The following RIMKLB variants were observed in gnomAD, a reference collection of about 807,000 sequenced individuals.
The protein encoded by RIMKLB is ribosomal modification protein rimK like family member B, also known as beta-citrylglutamate synthase B.
Under a neutral mutation model 32.0 loss-of-function variants are expected in RIMKLB, and 7 were observed. That is an observed-to-expected ratio of 0.22 (90% confidence interval 0.12 to 0.41). RIMKLB has a LOEUF of 0.41. Ranked by LOEUF, RIMKLB falls within the 10% of genes least tolerant of loss-of-function variation. The probability of loss-of-function intolerance (pLI) is 1.00; values close to 1 mark genes in which losing one functional copy is unlikely to be tolerated. For synonymous variants in RIMKLB, 172 were observed against 185.1 expected (o/e 0.93, Z 0.57); for missense variants, 289 against 498.7 (o/e 0.58, Z 4.00).
In RIMKLB at chr12:8,776,645, G is replaced by C. The variant is rs1023641169; in HGVS notation, c.*2861G>C. 3.2e-6 allele frequency: 3 copies of C among 933,812 alleles called. No homozygotes were observed. The highest frequency in any genetic ancestry group is 1.2e-4 in the Admixed American group (2 of 16,196). 57.8% of individuals were successfully genotyped at this position (933,812 alleles called of 1,614,324 possible). On this transcript the variant is annotated 3_prime_UTR_variant, in exon 6 of 6. Coordinates refer to ENST00000535829, the MANE Select transcript of RIMKLB (RefSeq NM_001297776.2). The stretch of plus-strand genomic sequence containing the variant: ...TTTATATATCTAAACATACAAGTAT[G>C]AACTATTCTATTTAAAATTTTTAAT...
At chr12:8,703,435 C>G (rs1342405691) in intron 1 of RIMKLB, among the ~76,000 whole-genome samples, 3 of 152,150 alleles carry the variant, frequency 2.0e-5, no homozygotes, top group East Asian at 3.8e-4. Flanking sequence ...TCAAGCGAAC[C>G]CCCTGCCTCA....
At chr12:8,772,064 T>C (rs1391585071) in intron 5 of RIMKLB, among the ~76,000 whole-genome samples, 1 of 152,138 alleles carries the variant, frequency 6.6e-6, no homozygotes, top group Non-Finnish European at 1.5e-5. Context: ...AATTTTTGTA[T>C]TTTTAGTAGA....
rs1307688386 is a variant in RIMKLB, at chr12:8,773,868, A to T, written c.*84A>T. ...TTAAAACCAACTTGCAATGCTGTTC[A>T]TGGAGGATGCTCAGGAAGATGAGAG... On this transcript the variant is annotated 3_prime_UTR_variant, in exon 6 of 6. Coordinates refer to ENST00000535829, the MANE Select transcript of RIMKLB (RefSeq NM_001297776.2). The T allele has an allele frequency of 8.0e-6, 12 of 1,503,966 alleles. No homozygotes were observed. The highest frequency in any genetic ancestry group is 9.7e-6 in the Non-Finnish European group (11 of 1,128,422). 93.2% of individuals were successfully genotyped at this position (1,503,966 alleles called of 1,614,324 possible).
chr12:8,698,811 A>G (rs1343184322), intron 1 of RIMKLB, among the ~76,000 whole-genome samples: 1 of 151,808 alleles, frequency 6.6e-6, no homozygotes, highest in Non-Finnish European at 1.5e-5. Context: ...CCTTACGTGT[A>G]AATTTTAGAG....
chr12:8,781,557 C>T (rs1171845393), downstream of RIMKLB, among the ~76,000 whole-genome samples: 2 of 152,174 alleles, frequency 1.3e-5, no homozygotes, highest in Admixed American at 6.5e-5. Flanking sequence ...GCTTATCTGG[C>T]TGGGCTTTTC....
chr12:8,728,789 TTTTGTTTGTTTG>T (rs147350916), intron 2 of RIMKLB, among the ~76,000 whole-genome samples: 4 of 131,842 alleles, frequency 3.0e-5, no homozygotes, highest in Non-Finnish European at 6.3e-5. Context: ...GTGTGTGTGT[TTTTGTTTGTTTG>T]TTTGTTTGTT....
chr12:8,674,523 G>A, the RIMKLB span, among the ~76,000 whole-genome samples: 1 of 151,714 alleles, frequency 6.6e-6, no homozygotes, highest in Non-Finnish European at 1.5e-5. Context: ...ATAGGCGTGA[G>A]CCACCGCGCC....
chr12:8,698,166 C>A lies in RIMKLB; in HGVS notation c.-188C>A. The A allele has an allele frequency of 6.1e-6, 2 of 327,340 alleles. No homozygotes were observed. The highest frequency in any genetic ancestry group is 2.0e-5 in the South Asian group (1 of 49,294). The allele number at this position is 327,340 out of a possible 1,614,324, so 20.3% of individuals were successfully genotyped here. ...CGCAGTCGGCGGAGGAGAAAGGAGG[C>A]GGCTCCCGGTATCCCGACCCCCTCC... On this transcript the variant is annotated 5_prime_UTR_variant, in exon 1 of 6. Coordinates refer to ENST00000535829, the MANE Select transcript of RIMKLB (RefSeq NM_001297776.2).
intron 2 of RIMKLB, among the ~76,000 whole-genome samples, chr12:8,743,257 G>A (rs1239476048): frequency 6.6e-6 from 1 of 150,808 alleles, no homozygotes; most frequent in Non-Finnish European, 1.5e-5. Flanking sequence ...GGGAGGCTGA[G>A]GCAAGAGAAT....
intron 2 of RIMKLB, among the ~76,000 whole-genome samples, chr12:8,735,089 A>C (rs150745118): frequency 6.6e-6 from 1 of 152,194 alleles, no homozygotes; most frequent in South Asian, 2.1e-4. Flanking sequence ...AACTGTCCTT[A>C]TATGGGTACA....
intron 2 of RIMKLB, among the ~76,000 whole-genome samples, chr12:8,728,689 G>A (rs1176067357): frequency 6.6e-6 from 1 of 152,006 alleles, no homozygotes; most frequent in Non-Finnish European, 1.5e-5. Context: ...TTGGCTCACT[G>A]CAACCTCCAC....
At chr12:8,737,434 G>A (rs1167594640) in intron 2 of RIMKLB, among the ~76,000 whole-genome samples, 1 of 151,950 alleles carries the variant, frequency 6.6e-6, no homozygotes, top group Non-Finnish European at 1.5e-5. Context: ...TAGATCAGGA[G>A]GCATATACCC....
chr12:8,688,370 G>A (rs76707283), intron 1 of RIMKLB, among the ~76,000 whole-genome samples: 2,654 of 152,166 alleles, frequency 0.017, 53 homozygotes, highest in African/African-American at 0.05. Flanking sequence ...CAACATGAGA[G>A]GGAAACAGAA....
chr12:8,685,382 T>G (rs760409530), intron 1 of RIMKLB, among the ~76,000 whole-genome samples: 2 of 152,334 alleles, frequency 1.3e-5, no homozygotes, highest in East Asian at 1.9e-4. Context: ...TTTGTTGTTT[T>G]GTTTTGTTTG....
chr12:8,757,102 T>A (rs1008245281), intron 5 of RIMKLB, among the ~76,000 whole-genome samples: 2 of 152,216 alleles, frequency 1.3e-5, no homozygotes, highest in Admixed American at 6.5e-5. Flanking sequence ...ATGGCATCTT[T>A]TCTTTTATGA....
chr12:8,698,820 A>G (rs1219643091), intron 1 of RIMKLB, among the ~76,000 whole-genome samples: 1 of 151,882 alleles, frequency 6.6e-6, no homozygotes, highest in Non-Finnish European at 1.5e-5. Context: ...TAAATTTTAG[A>G]GAGTGTGACA....
At chr12:8,759,920 C>T (rs1259360801) in intron 5 of RIMKLB, among the ~76,000 whole-genome samples, 1 of 152,154 alleles carries the variant, frequency 6.6e-6, no homozygotes, top group East Asian at 1.9e-4. Context: ...CAGATTTTAT[C>T]CTGTGCCATC....
At position 8,750,608 on chromosome 12, in the gene RIMKLB, G is replaced by A. The variant is rs190186061; in HGVS notation, c.406+516G>A. Among the ~76,000 whole-genome samples the A allele has an allele frequency of 1.3e-4, 19 of 151,324 alleles. No homozygotes were observed. The East Asian group carries it at 3.5e-3, about 28-fold the overall frequency. On this transcript the variant is annotated intron_variant, in intron 3 of 5. Transcript: ENST00000535829. ...CTTTAGTAGGTGTAGCAATGCTTTC[G>A]AACTTCTGGTAAAAGGGTTTTTTTT...
intron 2 of RIMKLB, among the ~76,000 whole-genome samples, chr12:8,747,279 C>A (rs1948183812): frequency 6.6e-6 from 1 of 152,194 alleles, no homozygotes; most frequent in East Asian, 1.9e-4. Flanking sequence ...CCAACCATAT[C>A]TTTTACTGTA....
Sources: allele counts gnomAD v4.1 joint callset (sites outside exome capture counted in the v4.1 genomes callset), GRCh38; gene constraint gnomAD v4.1.1; transcripts MANE v1.5; gene names NCBI Gene and HGNC (gene_info 2026-07-23, HGNC 2026-07-21).